Variants in LRTM3 observed in about 807,000 individuals in gnomAD.
LRTM3 encodes the protein leucine rich repeat transmembrane protein 3.
the LRTM3 span, chr13:102,742,121 A>G: frequency 6.4e-7 from 1 of 1,550,508 alleles, no homozygotes; most frequent in South Asian, 1.2e-5. Context: ...AATGCTAGAC[A>G]CACAGTATCC....
At chr13:102,739,525 C>A in the LRTM3 span, 2 of 1,550,358 alleles carry the variant, frequency 1.3e-6, no homozygotes, top group Non-Finnish European at 1.7e-6. Context: ...AAGAAGTACA[C>A]AAGTTTGTCA....
At chr13:102,758,652 T>C in the LRTM3 span, 3 of 1,511,882 alleles carry the variant, frequency 2.0e-6, no homozygotes, top group Non-Finnish European at 2.7e-6. Flanking sequence ...ATTATTCTTA[T>C]GTCTGATTTT....
At chr13:102,742,228 G>A in the LRTM3 span, 3 of 1,550,328 alleles carry the variant, frequency 1.9e-6, no homozygotes, top group Non-Finnish European at 2.6e-6. Context: ...CTTTTTTATT[G>A]CTTGCAGTAC....
the LRTM3 span, among the ~76,000 whole-genome samples, chr13:102,750,848 A>G: frequency 6.6e-6 from 1 of 152,196 alleles, no homozygotes; most frequent in Non-Finnish European, 1.5e-5. Context: ...TCAAAAGAAA[A>G]GCCTACATTT....
chr13:102,733,540 A>G, the LRTM3 span: 4 of 1,551,268 alleles, frequency 2.6e-6, no homozygotes, highest in Admixed American at 2.0e-5. Context: ...GGTTTAAGTT[A>G]TCCATTATTT....
chr13:102,732,396 G>C, the LRTM3 span: 1 of 1,551,286 alleles, frequency 6.4e-7, no homozygotes, highest in Non-Finnish European at 8.7e-7. Flanking sequence ...GGGTGATTCT[G>C]GATTTTCATA....
chr13:102,731,473 A>T, the LRTM3 span: 2 of 1,551,290 alleles, frequency 1.3e-6, no homozygotes, highest in Non-Finnish European at 1.7e-6. Context: ...CTTTGGGAGT[A>T]AACTGTTCTA....
chr13:102,729,926 T>A, the LRTM3 span: 1 of 1,552,004 alleles, frequency 6.4e-7, no homozygotes, highest in South Asian at 1.2e-5. Flanking sequence ...AAGATGTGAT[T>A]TAATATTTGA....
At chr13:102,747,722 G>C in the LRTM3 span, 1 of 1,550,980 alleles carries the variant, frequency 6.4e-7, no homozygotes, top group Non-Finnish European at 8.7e-7. Context: ...TCTGTCTGTA[G>C]GTCTATCTGT....
At chr13:102,734,339 C>T in the LRTM3 span, 2 of 1,551,232 alleles carry the variant, frequency 1.3e-6, no homozygotes, top group African/African-American at 1.4e-5. Context: ...TGTCTTACCT[C>T]CAAGCCTTTC....
At chr13:102,747,161 T>A in the LRTM3 span, 5 of 1,550,864 alleles carry the variant, frequency 3.2e-6, no homozygotes, top group Non-Finnish European at 4.4e-6. Flanking sequence ...ATATGGATAC[T>A]TTTCTTCCCT....
the LRTM3 span, chr13:102,736,963 T>G: frequency 1.3e-6 from 2 of 1,551,172 alleles, no homozygotes; most frequent in South Asian, 2.4e-5. Context: ...TTCGTTTGTC[T>G]AATTTACAGT....
chr13:102,730,559 T>G, the LRTM3 span: 20 of 1,551,792 alleles, frequency 1.3e-5, no homozygotes, highest in Non-Finnish European at 1.7e-5. Flanking sequence ...AACTTGAGTA[T>G]CTTTCTTCCT....
chr13:102,732,398 A>G, the LRTM3 span: 1 of 1,551,302 alleles, frequency 6.4e-7, no homozygotes. Context: ...GTGATTCTGG[A>G]TTTTCATAGT....
chr13:102,737,256 T>C, the LRTM3 span: 1 of 1,551,166 alleles, frequency 6.4e-7, no homozygotes, highest in Non-Finnish European at 8.7e-7. Context: ...CCAAAAGACT[T>C]TGTATGTGCT....
the LRTM3 span, among the ~76,000 whole-genome samples, chr13:102,755,931 GTATATATATACATATATATA>G: frequency 8.7e-6 from 1 of 115,524 alleles, no homozygotes; most frequent in African/African-American, 3.6e-5. Flanking sequence ...GTGTGTGTGT[GTATATATATACATATATATA>G]TATATATATA....
At chr13:102,736,059 T>C in the LRTM3 span, 1 of 1,543,774 alleles carries the variant, frequency 6.5e-7, no homozygotes, top group Non-Finnish European at 8.8e-7. Flanking sequence ...TTTGCCTCTT[T>C]ATATGGCATT....
At chr13:102,753,665 C>A in the LRTM3 span, among the ~76,000 whole-genome samples, 2 of 152,214 alleles carry the variant, frequency 1.3e-5, no homozygotes, top group Middle Eastern at 6.8e-3. Context: ...ATTTGTGATA[C>A]GTTGTTATGG....
the LRTM3 span, chr13:102,737,258 G>A: frequency 1.3e-6 from 2 of 1,550,980 alleles, no homozygotes; most frequent in African/African-American, 2.7e-5. Context: ...AAAAGACTTT[G>A]TATGTGCTAT....
Sources: allele counts gnomAD v4.1 joint callset (sites outside exome capture counted in the v4.1 genomes callset), GRCh38; gene constraint gnomAD v4.1.1; transcripts MANE v1.5; gene names NCBI Gene and HGNC (gene_info 2026-07-23, HGNC 2026-07-21).